The following SPECC1L variants were observed in gnomAD, a reference collection of about 807,000 sequenced individuals.
SPECC1L encodes the protein cytospin-A.
In SPECC1L, 40 loss-of-function variants were observed where a neutral mutation model predicts 116.8. The ratio of observed to expected loss-of-function variants is 0.34; its 90% CI spans 0.27 to 0.45. SPECC1L has a LOEUF of 0.45. SPECC1L is among the 20% of genes least tolerant of loss of function. The pLI is 1.00. For missense variants in SPECC1L, 1,110 were observed against 1,373.6 expected (o/e 0.81, Z 3.03); for synonymous variants, 504 against 500.6 (o/e 1.01, Z -0.09).
At chr22:24,378,988 G>A (rs148707793) in intron 14 of SPECC1L, among the ~76,000 whole-genome samples, 1 of 152,076 alleles carries the variant, frequency 6.6e-6, no homozygotes, top group Non-Finnish European at 1.5e-5. Context: ...TGTAAAAAAC[G>A]CAGGATCCAT....
chr22:24,345,006 G>A (rs1240830110), intron 10 of SPECC1L, among the ~76,000 whole-genome samples: 1 of 152,098 alleles, frequency 6.6e-6, no homozygotes, highest in Non-Finnish European at 1.5e-5. Flanking sequence ...TGCTCTTTGG[G>A]TAGAAATTGA....
chr22:24,302,116 G>T, intron 2 of SPECC1L, 79 bp from the exon 3 acceptor site: 1 of 1,138,446 alleles, frequency 8.8e-7, no homozygotes, highest in Non-Finnish European at 1.3e-6. Flanking sequence ...TTATCACATG[G>T]TAAAATTCTT....
At chr22:24,282,328 G>A (rs933098065) in intron 2 of SPECC1L, among the ~76,000 whole-genome samples, 14 of 152,242 alleles carry the variant, frequency 9.2e-5, no homozygotes, top group Admixed American at 7.9e-4. Context: ...AGGCAAGAAG[G>A]AGGTCTGCTT....
chr22:24,315,356 G>C (rs1444047956), intron 4 of SPECC1L, among the ~76,000 whole-genome samples: 1 of 152,260 alleles, frequency 6.6e-6, no homozygotes, highest in Admixed American at 6.5e-5. Context: ...GTGAGAACTA[G>C]TATCCTCATT....
At chr22:24,376,597 G>A (rs758795898) in intron 14 of SPECC1L, among the ~76,000 whole-genome samples, 8 of 152,166 alleles carry the variant, frequency 5.3e-5, no homozygotes, top group African/African-American at 9.7e-5. Flanking sequence ...CCTTGTTCAT[G>A]GATTAGAAGT....
At chr22:24,326,334 C>T (rs1191671653) in intron 6 of SPECC1L, among the ~76,000 whole-genome samples, 2 of 152,202 alleles carry the variant, frequency 1.3e-5, no homozygotes, top group East Asian at 3.9e-4. Context: ...CAGCTTCTGT[C>T]CTTACTCCTC....
intron 14 of SPECC1L, among the ~76,000 whole-genome samples, chr22:24,379,796 G>A (rs1354261522): frequency 6.6e-6 from 1 of 152,174 alleles, no homozygotes; most frequent in Non-Finnish European, 1.5e-5. Flanking sequence ...CCCTTTAGAA[G>A]CAAAGAGGAT....
intron 14 of SPECC1L, among the ~76,000 whole-genome samples, chr22:24,404,466 C>G (rs2042546115): frequency 6.6e-6 from 1 of 152,172 alleles, no homozygotes; most frequent in African/African-American, 2.4e-5. Context: ...TGAAGGCCAC[C>G]ACCAGCGTCT....
chr22:24,297,709 C>A lies in SPECC1L; in HGVS notation c.-37-4486C>A, dbSNP rs62233086. 8.7e-3 allele frequency among the ~76,000 whole-genome samples: 1,256 copies of A among 144,918 alleles called. 8 individuals carry two copies. The highest frequency in any genetic ancestry group is 0.028 in the South Asian group (125 of 4,416). On this transcript the variant is annotated intron_variant, in intron 2 of 16. Coordinates refer to ENST00000314328, the MANE Select transcript of SPECC1L (RefSeq NM_015330.6). ...AAATTCCTGAAACAAACAGTTGGTACGTTTTAAATTGTGGACTGTTCTGAA... is the reference window on the plus strand; with the variant it reads ...AAATTCCTGAAACAAACAGTTGGTAAGTTTTAAATTGTGGACTGTTCTGAA...
chr22:24,272,364 C>T (rs2048744729), intron 1 of SPECC1L, among the ~76,000 whole-genome samples: 1 of 151,382 alleles, frequency 6.6e-6, no homozygotes, highest in Non-Finnish European at 1.5e-5. Flanking sequence ...GGCTCCGTCT[C>T]AAAAAAACAA....
rs561378644 is a variant in SPECC1L at position 24,284,922 on chromosome 22, G to T, written c.-38+8119G>T. Among the ~76,000 whole-genome samples, 9 of 152,306 alleles carry T rather than the reference G, an allele frequency of 5.9e-5. No individual in the cohort carries two copies. The South Asian group carries it at 1.9e-3, about 32-fold the overall frequency. Reference sequence around the variant, plus strand: ...AGAGTAGAGGGAGTGGATGAGAAGAGAAAGGGAGAGACACATAGTCACCAG... The same window carrying T: ...AGAGTAGAGGGAGTGGATGAGAAGATAAAGGGAGAGACACATAGTCACCAG... On this transcript the variant is annotated intron_variant, in intron 2 of 16. Transcript: ENST00000314328.
rs565258808 is a variant in SPECC1L at position 24,305,074 on chromosome 22, TAAAAG to T, written c.153+2694_153+2698del. Among the ~76,000 whole-genome samples, 59 of 152,288 alleles carry T rather than the reference TAAAAG, an allele frequency of 3.9e-4. 3 individuals carry two copies. The South Asian group carries it at 0.012, about 30-fold the overall frequency. ...CTTTACAGAATTTTGTAGCAAAAAT[TAAAAG>T]AAATAGGGAAAAATAGCAGAGAGCC... On this transcript the variant is annotated intron_variant, in intron 3 of 16. Transcript: ENST00000314328.
At chr22:24,354,225 G>C (rs2041482561) in intron 11 of SPECC1L, among the ~76,000 whole-genome samples, 1 of 152,222 alleles carries the variant, frequency 6.6e-6, no homozygotes, top group Admixed American at 6.5e-5. Flanking sequence ...ATTTGAGCAT[G>C]AGATTTGGAG....
chr22:24,307,646 T>G (rs1031410290), intron 3 of SPECC1L, among the ~76,000 whole-genome samples: 2 of 152,066 alleles, frequency 1.3e-5, no homozygotes, highest in Non-Finnish European at 2.9e-5. Context: ...TGTGTATGTG[T>G]TTTTGTTTAA....
intron 2 of SPECC1L, among the ~76,000 whole-genome samples, chr22:24,282,904 A>G (rs1727297362): frequency 1.3e-5 from 2 of 151,494 alleles, no homozygotes; most frequent in Non-Finnish European, 1.5e-5. Context: ...TAGCCTCCCA[A>G]ATAGCTGTGA....
intron 4 of SPECC1L, among the ~76,000 whole-genome samples, chr22:24,318,649 A>G (rs1239262996): frequency 6.6e-6 from 1 of 152,078 alleles, no homozygotes; most frequent in Non-Finnish European, 1.5e-5. Context: ...GCCAGGTGCG[A>G]TGGTGCACGC....
chr22:24,334,068 A>G (rs1386575066), intron 8 of SPECC1L, among the ~76,000 whole-genome samples: 1 of 145,510 alleles, frequency 6.9e-6, no homozygotes, highest in African/African-American at 2.6e-5. Context: ...GCCGGACTGC[A>G]GTGGCACTAT....
chr22:24,320,448 T>A (rs2040698835), intron 4 of SPECC1L, among the ~76,000 whole-genome samples: 1 of 152,366 alleles, frequency 6.6e-6, no homozygotes, highest in Non-Finnish European at 1.5e-5. Context: ...CGTTGTTTTT[T>A]ACATTTAGAG....
At chr22:24,406,391 G>C (rs111472035) in intron 14 of SPECC1L, among the ~76,000 whole-genome samples, 29 of 152,260 alleles carry the variant, frequency 1.9e-4, no homozygotes, top group African/African-American at 6.5e-4. Flanking sequence ...CTTGCCCCAG[G>C]CATCCTGCGA....
Sources: allele counts gnomAD v4.1 joint callset (sites outside exome capture counted in the v4.1 genomes callset), GRCh38; gene constraint gnomAD v4.1.1; transcripts MANE v1.5; gene names NCBI Gene and HGNC (gene_info 2026-07-23, HGNC 2026-07-21).